The following RAD23B variants were observed in gnomAD, a reference collection of about 807,000 sequenced individuals.
RAD23B encodes the protein RAD23 nucleotide excision repair protein B, also known as lysine-specific demethylase RAD23B.
A neutral mutation model predicts 49.1 loss-of-function variants in RAD23B; 5 were observed. The observed-to-expected ratio is 0.10, with a 90% CI of 0.05 to 0.21. RAD23B has a LOEUF of 0.21. RAD23B is among the 10% of genes least tolerant of loss of function. RAD23B has a pLI of 1.00. For synonymous variants in RAD23B, 184 were observed against 165.4 expected (o/e 1.11, Z -0.86); for missense variants, 356 against 486.7 (o/e 0.73, Z 2.53).
At chr9:107,288,445 GTTGTT>G (rs549633237) in intron 1 of RAD23B, among the ~76,000 whole-genome samples, 3 of 151,976 alleles carry the variant, frequency 2.0e-5, no homozygotes, top group African/African-American at 7.3e-5. Context: ...CATTTTTGTT[GTTGTT>G]TTGTTTTGTT....
Position 107,291,258 on chromosome 9 carries a change from CA to C in RAD23B, c.66+7564del, listed in dbSNP as rs1388700757. Among the ~76,000 whole-genome samples, 9 of 152,250 alleles carry C rather than the reference CA, an allele frequency of 5.9e-5. No homozygotes were observed. In the Middle Eastern group the frequency reaches 0.02, roughly 345 times the overall value. ...CATTCTTTGCCTATATAGAAACTTA[CA>C]GGTATCTTGGGAATTCTGCTTACTC... On this transcript the variant is annotated intron_variant, in intron 1 of 9. Transcript: ENST00000358015.
chr9:107,285,799 C>T (rs1833264518), intron 1 of RAD23B, among the ~76,000 whole-genome samples: 1 of 152,120 alleles, frequency 6.6e-6, no homozygotes, highest in Non-Finnish European at 1.5e-5. Flanking sequence ...AGCATTTCCT[C>T]TGGGATATAT....
At chr9:107,321,634 A>G (rs1385567301) in intron 6 of RAD23B, among the ~76,000 whole-genome samples, 3 of 152,170 alleles carry the variant, frequency 2.0e-5, no homozygotes, top group Non-Finnish European at 4.4e-5. Flanking sequence ...GTTCAGTTTT[A>G]AGAAGGTACA....
intron 4 of RAD23B, among the ~76,000 whole-genome samples, chr9:107,308,276 T>C (rs1461027880): frequency 6.6e-6 from 1 of 151,326 alleles, no homozygotes; most frequent in Non-Finnish European, 1.5e-5. Flanking sequence ...AGGAGTGCAG[T>C]GGCGTGACCT....
intron 9 of RAD23B, among the ~76,000 whole-genome samples, chr9:107,327,830 ATTG>A (rs781559935): frequency 6.6e-6 from 1 of 152,080 alleles, no homozygotes; most frequent in Non-Finnish European, 1.5e-5. Context: ...TGTCTCTATT[ATTG>A]TTAATTGCCA....
At chr9:107,293,280 G>T (rs1026980613) in intron 1 of RAD23B, among the ~76,000 whole-genome samples, 1 of 152,180 alleles carries the variant, frequency 6.6e-6, no homozygotes, top group African/African-American at 2.4e-5. Context: ...TGTTCTTGTG[G>T]ACTAGCCATA....
chr9:107,302,494 G>A (rs560197109), intron 3 of RAD23B, among the ~76,000 whole-genome samples: 4 of 151,968 alleles, frequency 2.6e-5, no homozygotes, highest in South Asian at 2.1e-4. Context: ...GCTAAATTAC[G>A]TACTAGTCCT....
At chr9:107,329,320 TAAAGG>T (rs1827265492) in intron 9 of RAD23B, among the ~76,000 whole-genome samples, 1 of 152,174 alleles carries the variant, frequency 6.6e-6, no homozygotes. Flanking sequence ...AGGTGATTAG[TAAAGG>T]AAAGGGTCTA....
Position 107,308,110 on chromosome 9 carries a change from A to G in RAD23B, c.497+1463A>G, listed in dbSNP as rs935442109. Among the ~76,000 whole-genome samples the G allele has an allele frequency of 3.3e-5, 5 of 150,670 alleles. No homozygotes were observed. In the South Asian group the frequency reaches 1.0e-3, roughly 31 times the overall value. On this transcript the variant is annotated intron_variant, in intron 4 of 9. Coordinates refer to ENST00000358015, the MANE Select transcript of RAD23B (RefSeq NM_002874.5). ...TACATCTTATTCTCTTAATTGCTTT[A>G]AGCTCCTTTTTAAAAAAAAAAAGCT...
chr9:107,311,725 A>G lies in RAD23B; in HGVS notation c.541A>G (p.Thr181Ala). Residue 181 changes from threonine (T) to alanine (A), a missense_variant, in exon 5 of 10, where the codon ACG becomes GCG. By Grantham distance (58) the Thr-to-Ala change is moderately conservative. This residue lies in a region of RAD23B where 148 missense variants were observed against 231.7 expected (regional missense o/e 0.64). Transcript: ENST00000358015. Reference sequence around the variant, plus strand: ...TCGGTCAAACCTTTTTGAAGATGCAACGAGTGCACTTGGTAAGTATCTGCT... The same window carrying G: ...TCGGTCAAACCTTTTTGAAGATGCAGCGAGTGCACTTGGTAAGTATCTGCT... ...SSRSNLFEDA[T>A]SALVTGQSYE... 2 of 1,571,180 alleles carry G rather than the reference A, an allele frequency of 1.3e-6. No individual in the cohort carries two copies. The highest frequency in any genetic ancestry group is 8.6e-7 in the Non-Finnish European group (1 of 1,166,810).
chr9:107,283,591 C>A lies in RAD23B; in HGVS notation c.-39C>A. On this transcript the variant is annotated 5_prime_UTR_variant, in exon 1 of 10. Transcript: ENST00000358015. ...CACAGACCCCGCCCAGCGGCCAGCACCCGGCGCAGGCCCGGCAGCCGAGCT... is the reference window on the plus strand; with the variant it reads ...CACAGACCCCGCCCAGCGGCCAGCAACCGGCGCAGGCCCGGCAGCCGAGCT... 1.4e-6 allele frequency: 2 copies of A among 1,461,156 alleles called. No individual in the cohort carries two copies. Among genetic ancestry groups the A allele is most frequent in the Non-Finnish European group, 9.1e-7 (1 of 1,101,800 alleles). The allele number at this position is 1,461,156 out of a possible 1,614,324, so 90.5% of individuals were successfully genotyped here. A position where few individuals can be genotyped will look rare whatever the true frequency, so the allele number is the denominator to read the frequency against.
chr9:107,305,587 C>T (rs1826746206), intron 3 of RAD23B, among the ~76,000 whole-genome samples: 2 of 152,078 alleles, frequency 1.3e-5, no homozygotes, highest in African/African-American at 4.8e-5. Flanking sequence ...CTGTGGGAAG[C>T]TTTATGGCTC....
chr9:107,324,727 G>A (rs528217907), intron 8 of RAD23B, 107 bp from the exon 9 acceptor site: 18 of 1,136,994 alleles, frequency 1.6e-5, no homozygotes, highest in Middle Eastern at 3.1e-4. Context: ...ACTAAATTAC[G>A]TTTGCAAAAG....
In RAD23B at chr9:107,329,629, T is replaced by A. The variant is rs969174064; in HGVS notation, c.1203T>A (p.Leu401=). The change falls in exon 10 of 10, where the codon CTT becomes CTA. Residue 401 remains leucine, a synonymous_variant. Coordinates refer to ENST00000358015, the MANE Select transcript of RAD23B (RefSeq NM_002874.5). ...EKNENLAANF[L]LQQNFDED is the part of the protein sequence containing the mutation. ...ATGAGAATTTGGCTGCCAATTTTCT[T>A]CTACAGCAGAACTTTGATGAAGATT... 5 of 1,612,792 alleles carry A rather than the reference T, an allele frequency of 3.1e-6. No homozygotes were observed. The African/African-American group carries it at 6.7e-5, about 22-fold the overall frequency.
At chr9:107,296,859 T>C (rs1232759918) in intron 1 of RAD23B, among the ~76,000 whole-genome samples, 8 of 13,004 alleles carry the variant, frequency 6.2e-4, no homozygotes, top group Admixed American at 3.4e-3. Flanking sequence ...TTTAATTGCT[T>C]TTTTTTTTTT....
chr9:107,329,446 T>TATCATTACTTA (rs1827267825), intron 9 of RAD23B, 97 bp from the exon 10 acceptor site: 1 of 740,304 alleles, frequency 1.4e-6, no homozygotes, highest in Non-Finnish European at 2.1e-6. Context: ...AGTAATGATT[T>TATCATTACTTA]ATCTTTAGTG....
chr9:107,295,646 G>A (rs1433772270), intron 1 of RAD23B, among the ~76,000 whole-genome samples: 4 of 152,276 alleles, frequency 2.6e-5, no homozygotes, highest in Admixed American at 1.3e-4. Context: ...TATTCTTTTG[G>A]AGGATGGAGA....
Position 107,300,192 on chromosome 9 carries a change from C to T in RAD23B, c.118C>T (p.Pro40Ser). 6.2e-7 allele frequency: 1 copy of T among 1,608,448 alleles called. No homozygotes were observed. Among genetic ancestry groups the T allele is most frequent in the Non-Finnish European group, 8.5e-7 (1 of 1,177,180 alleles). Residue 40 changes from proline (P) to serine (S), a missense_variant, in exon 2 of 10, where the codon CCA becomes TCA. Transcript: ENST00000358015. Reference sequence around the variant, plus strand: ...ATCTGAAAAGGGGAAAGATGCCTTTCCAGTAGCAGGTCAAAAATTAATTTA... The same window carrying T: ...ATCTGAAAAGGGGAAAGATGCCTTTTCAGTAGCAGGTCAAAAATTAATTTA... ...IESEKGKDAF[P>S]VAGQKLIYAG...
chr9:107,300,490 C>T (rs754664875), intron 2 of RAD23B, among the ~76,000 whole-genome samples: 26 of 151,064 alleles, frequency 1.7e-4, no homozygotes, highest in African/African-American at 4.6e-4. Context: ...TTTAATCAAA[C>T]GGAGCTTTTT....
Sources: allele counts gnomAD v4.1 joint callset (sites outside exome capture counted in the v4.1 genomes callset), GRCh38; gene constraint gnomAD v4.1.1; regional missense constraint gnomAD v4.1.1; transcripts MANE v1.5; gene names NCBI Gene and HGNC (gene_info 2026-07-23, HGNC 2026-07-21).